CLVS1: variants seen among roughly 807,000 people sequenced by gnomAD.
CLVS1 encodes clavesin-1.
A neutral mutation model predicts 33.1 loss-of-function variants in CLVS1; 10 were observed. That is an observed-to-expected ratio of 0.30 (90% CI 0.19 to 0.51). The LOEUF (loss-of-function observed/expected upper bound fraction) is 0.51, where lower values mean the gene tolerates loss of function less well. Ranked by LOEUF, CLVS1 falls within the 20% of genes least tolerant of loss-of-function variation. CLVS1 has a pLI of 0.97. For synonymous variants in CLVS1, 163 were observed against 166.1 expected, an observed-to-expected ratio of 0.98 and a Z score of 0.14; for missense variants, 343 against 433.4, an observed-to-expected ratio of 0.79 and a Z score of 1.85.
At chr8:61,066,411 T>C (rs1804678984) in intron 1 of CLVS1, among the ~76,000 whole-genome samples, 1 of 152,122 alleles carries the variant, frequency 6.6e-6, no homozygotes, top group African/African-American at 2.4e-5. Context: ...GGTGGGAGGA[T>C]TGCTTGAGCC....
the CLVS1 span, among the ~76,000 whole-genome samples, chr8:61,029,157 G>T: frequency 6.6e-6 from 1 of 152,174 alleles, no homozygotes; most frequent in South Asian, 2.1e-4. Flanking sequence ...ACTCTATTTT[G>T]CAAACAGTCC....
chr8:61,379,698 GA>G (rs1813787589), intron 3 of CLVS1, among the ~76,000 whole-genome samples: 1 of 152,188 alleles, frequency 6.6e-6, no homozygotes, highest in Non-Finnish European at 1.5e-5. Context: ...ACATGCCAAA[GA>G]TTTATTAGGT....
At chr8:61,260,555 CT>C (rs1298893742) in intron 2 of CLVS1, among the ~76,000 whole-genome samples, 3 of 152,162 alleles carry the variant, frequency 2.0e-5, no homozygotes, top group African/African-American at 7.2e-5. Context: ...TCCATCATTT[CT>C]TTCTCTAACA....
chr8:61,304,750 G>A (rs1005506319), intron 2 of CLVS1, among the ~76,000 whole-genome samples: 1 of 152,150 alleles, frequency 6.6e-6, no homozygotes, highest in African/African-American at 2.4e-5. Flanking sequence ...CCCAGTGCTG[G>A]AGAAGAAAAA....
intron 5 of CLVS1, among the ~76,000 whole-genome samples, chr8:61,480,568 A>G (rs1394170551): frequency 1.3e-5 from 2 of 151,860 alleles, no homozygotes; most frequent in African/African-American, 2.4e-5. Context: ...TGGCTCATGC[A>G]TGGTGTGCTG....
chr8:61,388,037 T>A (rs574135914), intron 3 of CLVS1, among the ~76,000 whole-genome samples: 1 of 152,222 alleles, frequency 6.6e-6, no homozygotes, highest in Admixed American at 6.5e-5. Flanking sequence ...ACTTAATTTT[T>A]GTGTAAAAAC....
At chr8:61,252,070 C>T (rs1324264495) in intron 2 of CLVS1, among the ~76,000 whole-genome samples, 2 of 152,142 alleles carry the variant, frequency 1.3e-5, no homozygotes, top group Non-Finnish European at 2.9e-5. Flanking sequence ...ATAAATTTCC[C>T]TCTACACACT....
chr8:61,167,007 A>G (rs958537386), intron 2 of CLVS1, among the ~76,000 whole-genome samples: 15 of 151,130 alleles, frequency 9.9e-5, no homozygotes, highest in African/African-American at 3.4e-4. Context: ...AATTTAATCA[A>G]TAAATTTAAA....
At chr8:61,296,028 C>G (rs148821377) in intron 1 of CLVS1, among the ~76,000 whole-genome samples, 17 of 152,160 alleles carry the variant, frequency 1.1e-4, no homozygotes, top group African/African-American at 4.1e-4. Flanking sequence ...GAATGAGAAC[C>G]AAGTCCTTTA....
chr8:60,985,835 T>A, the CLVS1 span, among the ~76,000 whole-genome samples: 1 of 149,784 alleles, frequency 6.7e-6, no homozygotes, highest in South Asian at 2.1e-4. Flanking sequence ...AGCAACCTGC[T>A]GGCGAGAGAA....
At chr8:61,331,826 C>CTCCTCCTCCTCT (rs1313129655) in intron 2 of CLVS1, among the ~76,000 whole-genome samples, 7 of 127,412 alleles carry the variant, frequency 5.5e-5, no homozygotes, top group African/African-American at 2.5e-4. Context: ...CCTCCTCTTC[C>CTCCTCCTCCTCT]TCCTCCTCCT....
At chr8:61,426,309 C>T (rs953873053) in intron 3 of CLVS1, among the ~76,000 whole-genome samples, 3 of 152,190 alleles carry the variant, frequency 2.0e-5, no homozygotes, top group South Asian at 2.1e-4. Flanking sequence ...CAGACAATTC[C>T]TGCAGTACCT....
At chr8:61,181,198 G>A (rs1355184603) in intron 2 of CLVS1, among the ~76,000 whole-genome samples, 8 of 152,040 alleles carry the variant, frequency 5.3e-5, no homozygotes, top group Non-Finnish European at 1.0e-4. Context: ...CAATAGACAA[G>A]CAGACAGCCA....
At chr8:61,271,921 G>C (rs1809448278) in intron 2 of CLVS1, among the ~76,000 whole-genome samples, 1 of 151,844 alleles carries the variant, frequency 6.6e-6, no homozygotes, top group African/African-American at 2.4e-5. Context: ...CTGCACGTGA[G>C]ATGGGTTTCC....
Position 61,501,571 on chromosome 8 carries a change from A to AATT in CLVS1, c.*2030_*2032dup, listed in dbSNP as rs1586090986. On this transcript the variant is annotated 3_prime_UTR_variant, in exon 6 of 6. Transcript: ENST00000325897. ...CATGAATGTTACTACATGAACATTGAATTGTATTGCCCTTGTCAGTTATTT... is the reference window on the plus strand; with the variant it reads ...CATGAATGTTACTACATGAACATTGAATTATTGTATTGCCCTTGTCAGTTATTT... 1 of 152,184 alleles carries AATT rather than the reference A, an allele frequency of 6.6e-6. No homozygotes were observed. The highest frequency in any genetic ancestry group is 1.9e-4 in the East Asian group (1 of 5,202). The allele number at this position is 152,184 out of a possible 1,614,324, so 9.4% of individuals were successfully genotyped here.
chr8:61,336,496 T>G (rs1046526539), intron 2 of CLVS1, among the ~76,000 whole-genome samples: 20 of 152,256 alleles, frequency 1.3e-4, no homozygotes, highest in East Asian at 5.8e-4. Context: ...GAGAAACCTC[T>G]GCCCGGCACC....
chr8:61,419,630 A>C (rs1398719087), intron 3 of CLVS1, among the ~76,000 whole-genome samples: 1 of 152,216 alleles, frequency 6.6e-6, no homozygotes, highest in African/African-American at 2.4e-5. Context: ...TTTTGACATT[A>C]ATACAGTTTA....
intron 1 of CLVS1, among the ~76,000 whole-genome samples, chr8:61,101,807 G>GT (rs35834045): frequency 0.24 from 34,968 of 147,108 alleles, 4,552 homozygotes; most frequent in East Asian, 0.61. Context: ...AGGAGTCCAA[G>GT]TTTTTTTTTT....
intron 2 of CLVS1, among the ~76,000 whole-genome samples, chr8:61,347,688 A>C (rs1275436386): frequency 2.6e-5 from 3 of 114,646 alleles, no homozygotes; most frequent in African/African-American, 1.1e-4. Flanking sequence ...ATATATCCTG[A>C]AGTATACATT....
Sources: allele counts gnomAD v4.1 joint callset (sites outside exome capture counted in the v4.1 genomes callset), GRCh38; gene constraint gnomAD v4.1.1; transcripts MANE v1.5; gene names NCBI Gene and HGNC (gene_info 2026-07-23, HGNC 2026-07-21).